Variants in CLHC1 observed in about 807,000 individuals in gnomAD.
CLHC1 encodes clathrin heavy chain linker domain containing 1.
Under a neutral mutation model 69.5 loss-of-function variants are expected in CLHC1, and 72 were observed. The observed-to-expected ratio is 1.04, with a 90% CI of 0.86 to 1.26. The LOEUF is 1.26. CLHC1 is among the 50% of genes most tolerant of loss of function. CLHC1 has a pLI of 0.00. For missense variants in CLHC1, 790 were observed against 679.3 expected, an observed-to-expected ratio of 1.16 and a Z score of -1.81; for synonymous variants, 223 against 224.3, an observed-to-expected ratio of 0.99 and a Z score of 0.05.
At position 55,222,500 on chromosome 2, in the gene CLHC1, G is replaced by C. The variant is rs1553358778; in HGVS notation, c.-82-7C>G. 1.2e-6 allele frequency: 1 copy of C among 856,014 alleles called. No individual in the cohort carries two copies. Among genetic ancestry groups the C allele is most frequent in the South Asian group, 1.9e-5 (1 of 51,556 alleles). 53.0% of individuals were successfully genotyped at this position (856,014 alleles called of 1,614,324 possible). A position where few individuals can be genotyped will look rare whatever the true frequency, so the allele number is the denominator to read the frequency against. Reference sequence around the variant, plus strand: ...AGCCAAAACTTTGATAAGCCTGAAAGAAAAAAAGAGCATCAATTAATATAA... The same window carrying C: ...AGCCAAAACTTTGATAAGCCTGAAACAAAAAAAGAGCATCAATTAATATAA... On this transcript the variant is annotated splice_polypyrimidine_tract_variant and splice_region_variant and intron_variant, in intron 2 of 12. Transcript: ENST00000401408.
In CLHC1 at chr2:55,209,443, C is replaced by G; in HGVS notation, c.775G>C (p.Asp259His). 1 of 1,611,184 alleles carries G rather than the reference C, an allele frequency of 6.2e-7. No individual in the cohort carries two copies. Among genetic ancestry groups the G allele is most frequent in the East Asian group, 2.2e-5 (1 of 44,842 alleles). The change falls in exon 7 of 13, where the codon GAC becomes CAC. Residue 259 changes from aspartate (D) to histidine (H), a missense_variant. Coordinates refer to ENST00000401408, the MANE Select transcript of CLHC1 (RefSeq NM_152385.4). ...VKSDMSSPFQ[D>H]FVEQIQKTKY... ...GTTTTCTGAATTTGCTCCACAAAGT[C>G]TTGAAATGGGCTGCTCATATCAGAT...
chr2:55,222,500 GAAAA>G lies in CLHC1; in HGVS notation c.-82-11_-82-8del. 1.2e-6 allele frequency: 1 copy of G among 856,166 alleles called. No individual in the cohort carries two copies. The allele number at this position is 856,166 out of a possible 1,614,324, so 53.0% of individuals were successfully genotyped here. On this transcript the variant is annotated splice_polypyrimidine_tract_variant and splice_region_variant and intron_variant, in intron 2 of 12. Transcript: ENST00000401408. ...AGCCAAAACTTTGATAAGCCTGAAA[GAAAA>G]AAAGAGCATCAATTAATATAATAAT...
At chr2:55,199,682 G>T (rs1671755647) in intron 9 of CLHC1, among the ~76,000 whole-genome samples, 1 of 151,840 alleles carries the variant, frequency 6.6e-6, no homozygotes, top group Non-Finnish European at 1.5e-5. Context: ...TATAATAATG[G>T]GTTATAAGAT....
In CLHC1 at chr2:55,174,003, G is replaced by A. The variant is rs1357106250; in HGVS notation, c.*1787C>T. 8.5e-6 allele frequency among the ~76,000 whole-genome samples: 1 copy of A among 117,696 alleles called. No homozygotes were observed. The allele number at this position is 117,696 out of a possible 152,430, so 77.2% of individuals were successfully genotyped here. Reference sequence around the variant, plus strand: ...TAATAGCTTTCTATCAATCATATAGGTCTCAAAGGAAAAAAAAAAAAAAAA... The same window carrying A: ...TAATAGCTTTCTATCAATCATATAGATCTCAAAGGAAAAAAAAAAAAAAAA... On this transcript the variant is annotated 3_prime_UTR_variant, in exon 13 of 13. Coordinates refer to ENST00000401408, the MANE Select transcript of CLHC1 (RefSeq NM_152385.4).
intron 4 of CLHC1, among the ~76,000 whole-genome samples, chr2:55,217,287 AG>A (rs1673613940): frequency 6.6e-6 from 1 of 151,450 alleles, no homozygotes; most frequent in Non-Finnish European, 1.5e-5. Flanking sequence ...AGGCTGAGGC[AG>A]GAGGACTGCT....
intron 9 of CLHC1, among the ~76,000 whole-genome samples, chr2:55,200,102 T>C (rs1382417083): frequency 6.6e-6 from 1 of 151,846 alleles, no homozygotes; most frequent in Admixed American, 6.6e-5. Flanking sequence ...TGCATGCCTG[T>C]GATCCCAGCT....
intron 9 of CLHC1, among the ~76,000 whole-genome samples, chr2:55,197,015 C>T (rs1344685116): frequency 1.3e-5 from 2 of 152,132 alleles, no homozygotes; most frequent in Admixed American, 6.5e-5. Context: ...CACTAGCTGA[C>T]TGAAGAGGCT....
chr2:55,202,129 G>T (rs1672000218), intron 9 of CLHC1, among the ~76,000 whole-genome samples: 1 of 151,682 alleles, frequency 6.6e-6, no homozygotes, highest in African/African-American at 2.4e-5. Flanking sequence ...TTTCACCACT[G>T]GTATTCAACA....
intron 9 of CLHC1, among the ~76,000 whole-genome samples, chr2:55,183,854 C>T (rs1207490191): frequency 1.3e-5 from 2 of 152,200 alleles, no homozygotes; most frequent in South Asian, 2.1e-4. Flanking sequence ...GATCTCGGCT[C>T]ACTGCAACCT....
At chr2:55,217,752 C>T (rs1296314416) in intron 4 of CLHC1, 59 bp downstream of exon 4, 5 of 1,068,730 alleles carry the variant, frequency 4.7e-6, no homozygotes, top group Admixed American at 2.9e-5. Flanking sequence ...GTTACACTGG[C>T]TAGTTATTAT....
chr2:55,226,835 G>A (rs1231518744), intron 2 of CLHC1, among the ~76,000 whole-genome samples: 2 of 152,230 alleles, frequency 1.3e-5, no homozygotes, highest in African/African-American at 4.8e-5. Context: ...GTTTCACCCT[G>A]TTGGCCAGGC....
intron 12 of CLHC1, 66 bp downstream of exon 12, chr2:55,177,536 A>T: frequency 1.7e-6 from 2 of 1,155,450 alleles, no homozygotes; most frequent in Non-Finnish European, 2.4e-6. Context: ...ACTCATGCAT[A>T]ACCATCTTGA....
At position 55,206,361 on chromosome 2, in the gene CLHC1, G is replaced by A. The variant is rs769803367; in HGVS notation, c.915C>T (p.Ile305=). 16 of 1,598,016 alleles carry A rather than the reference G, an allele frequency of 1.0e-5. No homozygotes were observed. The highest frequency in any genetic ancestry group is 1.4e-5 in the Non-Finnish European group (16 of 1,166,586). The change falls in exon 9 of 13, where the codon ATC becomes ATT. Residue 305 remains isoleucine, a synonymous_variant. Coordinates refer to ENST00000401408, the MANE Select transcript of CLHC1 (RefSeq NM_152385.4). ...LHYIERFNEL[I]SLGEYEKAAC... ...CTGCCTTTTCATATTCACCAAGTGA[G>A]ATTAACTCATTAAACCTATAGCCAT... is the stretch of plus-strand genomic sequence containing the variant.
intron 11 of CLHC1, among the ~76,000 whole-genome samples, chr2:55,178,160 G>A (rs1423139194): frequency 2.0e-5 from 3 of 152,086 alleles, no homozygotes. Flanking sequence ...AGTATTAGAG[G>A]TCTCCATCTA....
rs989025156 is a variant in CLHC1 at position 55,175,537 on chromosome 2, C to T, written c.*253G>A. 4.5e-6 allele frequency: 2 copies of T among 448,674 alleles called. No homozygotes were observed. The highest frequency in any genetic ancestry group is 7.4e-5 in the Admixed American group (2 of 27,104). The allele number at this position is 448,674 out of a possible 1,614,324, so 27.8% of individuals were successfully genotyped here. ...TATGTCCTTAGATAAAAATGCCCTA[C>T]ACTGTTTCACACAAAGTTATAATCT... On this transcript the variant is annotated 3_prime_UTR_variant, in exon 13 of 13. Transcript: ENST00000401408.
chr2:55,213,438 C>T, intron 4 of CLHC1, among the ~76,000 whole-genome samples: 1 of 152,210 alleles, frequency 6.6e-6, no homozygotes, highest in Non-Finnish European at 1.5e-5. Context: ...TATAACCTCC[C>T]TATCTCAAAA....
chr2:55,175,874 C>A lies in CLHC1; in HGVS notation c.1677G>T (p.Thr559=). 6.2e-7 allele frequency: 1 copy of A among 1,613,962 alleles called. No individual in the cohort carries two copies. Among genetic ancestry groups the A allele is most frequent in the Non-Finnish European group, 8.5e-7 (1 of 1,179,898 alleles). Residue 559 remains threonine (T), a synonymous_variant, in exon 13 of 13, where the codon ACG becomes ACT. Coordinates refer to ENST00000401408, the MANE Select transcript of CLHC1 (RefSeq NM_152385.4). ...CTGCAGCCTGAGATCGAAGAATAGACGTGATGTCATTAGATAATTTGTCAA... is the reference window on the plus strand; with the variant it reads ...CTGCAGCCTGAGATCGAAGAATAGAAGTGATGTCATTAGATAATTTGTCAA... ...NGFDKLSNDI[T]SILRSQAAVT...
chr2:55,209,548 G>T, intron 6 of CLHC1, 32 bp from the exon 7 acceptor site: 1 of 1,575,454 alleles, frequency 6.3e-7, no homozygotes, highest in Non-Finnish European at 8.7e-7. Context: ...ATAACACACT[G>T]AGCCTAAAAT....
chr2:55,208,579 T>C, intron 8 of CLHC1, 47 bp downstream of exon 8: 2 of 1,188,976 alleles, frequency 1.7e-6, no homozygotes, highest in Middle Eastern at 2.0e-4. Flanking sequence ...ACAAAGAATC[T>C]ATGAAAAAAT....
Sources: allele counts gnomAD v4.1 joint callset (sites outside exome capture counted in the v4.1 genomes callset), GRCh38; gene constraint gnomAD v4.1.1; transcripts MANE v1.5; gene names NCBI Gene and HGNC (gene_info 2026-07-23, HGNC 2026-07-21).